The following PAN3 variants were observed in gnomAD, a reference collection of about 807,000 sequenced individuals.
PAN3 encodes PAN2-PAN3 deadenylation complex subunit PAN3.
PAN3 carries 19 observed loss-of-function variants against 96.2 expected under a neutral mutation model. That is an observed-to-expected ratio of 0.20 (90% CI 0.14 to 0.29). The LOEUF (loss-of-function observed/expected upper bound fraction) is 0.29, where lower values mean the gene tolerates loss of function less well. Among genes scored for constraint, PAN3 ranks in the 10% least tolerant of loss-of-function variants. The pLI, the probability that PAN3 is intolerant of heterozygous loss-of-function variation, is 1.00. For missense variants in PAN3, 882 were observed against 1,108.1 expected, an observed-to-expected ratio of 0.80 and a Z score of 2.90; for synonymous variants, 433 against 406.6, an observed-to-expected ratio of 1.06 and a Z score of -0.78.
Position 28,163,715 on chromosome 13 carries a change from A to G in PAN3, c.431-10557A>G, listed in dbSNP as rs117382929. 2.6e-3 allele frequency among the ~76,000 whole-genome samples: 390 copies of G among 152,314 alleles called. 5 individuals carry two copies. The highest frequency in any genetic ancestry group is 0.024 in the East Asian group (126 of 5,190). On this transcript the variant is annotated intron_variant, in intron 1 of 18. Transcript: ENST00000380958. ...TGGTAAAGTGTGGGAGATTTTAAGCATATAATGAGTATATCATTGTAACTG... is the reference window on the plus strand; with the variant it reads ...TGGTAAAGTGTGGGAGATTTTAAGCGTATAATGAGTATATCATTGTAACTG...
At chr13:28,228,971 A>T (rs1023519798) in intron 6 of PAN3, among the ~76,000 whole-genome samples, 1 of 152,320 alleles carries the variant, frequency 6.6e-6, no homozygotes, top group East Asian at 1.9e-4. Context: ...TGCTCTTCAC[A>T]TAGCTTATAA....
chr13:28,224,092 C>T (rs1429989495), intron 6 of PAN3, among the ~76,000 whole-genome samples: 2 of 151,756 alleles, frequency 1.3e-5, no homozygotes, highest in African/African-American at 2.4e-5. Context: ...AGGATGGTCT[C>T]GATCTCCTGA....
At chr13:28,291,665 A>G (rs1392034140) in intron 18 of PAN3, among the ~76,000 whole-genome samples, 2 of 152,144 alleles carry the variant, frequency 1.3e-5, no homozygotes, top group African/African-American at 2.4e-5. Flanking sequence ...CCCCGTCTCT[A>G]CTTAAAATAC....
chr13:28,225,321 T>C (rs1024481458), intron 6 of PAN3, among the ~76,000 whole-genome samples: 8 of 152,240 alleles, frequency 5.3e-5, no homozygotes, highest in Non-Finnish European at 7.3e-5. Flanking sequence ...TTTACTCTTA[T>C]AATGTTGAAG....
At chr13:28,275,972 G>A (rs548116566) in intron 14 of PAN3, among the ~76,000 whole-genome samples, 1 of 151,098 alleles carries the variant, frequency 6.6e-6, no homozygotes, top group Admixed American at 6.6e-5. Context: ...GGAGTTTAAC[G>A]TCTTTTTACT....
intron 4 of PAN3, among the ~76,000 whole-genome samples, chr13:28,192,048 C>CTT (rs58195419): frequency 7.3e-5 from 9 of 123,180 alleles, no homozygotes; most frequent in African/African-American, 9.4e-5. Context: ...TAAAACAATA[C>CTT]TTTTTTTTTT....
chr13:28,168,258 G>T (rs1873843595), intron 1 of PAN3, among the ~76,000 whole-genome samples: 1 of 152,128 alleles, frequency 6.6e-6, no homozygotes, highest in Non-Finnish European at 1.5e-5. Flanking sequence ...ATACCTACTC[G>T]CTGAGCATCC....
intron 14 of PAN3, among the ~76,000 whole-genome samples, chr13:28,274,150 G>A (rs965259490): frequency 6.6e-5 from 10 of 152,054 alleles, no homozygotes; most frequent in Non-Finnish European, 1.5e-4. Context: ...GGCAACACAG[G>A]GAGGAATATG....
rs1201411163 is a variant in PAN3, at chr13:28,256,353, T to C, written c.1062T>C (p.Ser354=). The part of the protein sequence containing the change: ...LHSPKITPHT[S]PAPRRRSHTP... ...CCCCCAAGATTACTCCACATACTTC[T>C]CCTGCTCCCAGAAGAAGAAGTCACA... is the stretch of plus-strand genomic sequence containing the variant. The change falls in exon 7 of 19, where the codon TCT becomes TCC. Residue 354 remains serine (S), a synonymous_variant. Coordinates refer to ENST00000380958, the MANE Select transcript of PAN3 (RefSeq NM_175854.8). 2.5e-6 allele frequency: 4 copies of C among 1,613,854 alleles called. No homozygotes were observed. In the Admixed American group the frequency reaches 6.7e-5, roughly 27 times the overall value.
chr13:28,214,370 G>A (rs1057147221), intron 5 of PAN3: 9 of 155,068 alleles, frequency 5.8e-5, no homozygotes, highest in South Asian at 4.0e-4. Context: ...TGATAATGTC[G>A]AATACTAATA....
intron 6 of PAN3, among the ~76,000 whole-genome samples, chr13:28,245,112 G>A (rs946185005): frequency 9.2e-5 from 14 of 152,206 alleles, no homozygotes; most frequent in African/African-American, 2.4e-4. Context: ...CTCCCAAAGC[G>A]CCGGGATTAT....
At chr13:28,173,666 T>C (rs1874589168) in intron 1 of PAN3, among the ~76,000 whole-genome samples, 2 of 152,176 alleles carry the variant, frequency 1.3e-5, no homozygotes, top group Admixed American at 6.5e-5. Context: ...GATTAGAAAA[T>C]AGCTGTATGC....
rs544343718 is a variant in PAN3, at chr13:28,231,238, TTAAA to T, written c.1000+10862_1000+10865del. Reference sequence around the variant, plus strand: ...ACAATCAATAGTCTAATGATATTTGTTAAATTAATTAATGACAGTTCATCTAGAA... The same window carrying T: ...ACAATCAATAGTCTAATGATATTTGTTTAATTAATGACAGTTCATCTAGAA... On this transcript the variant is annotated intron_variant, in intron 6 of 18. Coordinates refer to ENST00000380958, the MANE Select transcript of PAN3 (RefSeq NM_175854.8). Among the ~76,000 whole-genome samples the T allele has an allele frequency of 4.9e-4, 75 of 152,320 alleles. 1 individual carries two copies. The highest frequency in any genetic ancestry group is 3.4e-3 in the Middle Eastern group (1 of 294).
At chr13:28,194,396 A>G (rs1877711627) in intron 4 of PAN3, among the ~76,000 whole-genome samples, 2 of 149,204 alleles carry the variant, frequency 1.3e-5, no homozygotes, top group African/African-American at 2.5e-5. Flanking sequence ...AAATTTACAT[A>G]TATGTGTGTG....
chr13:28,214,241 G>T (rs747261511), intron 5 of PAN3, among the ~76,000 whole-genome samples: 4 of 152,136 alleles, frequency 2.6e-5, no homozygotes, highest in African/African-American at 9.7e-5. Flanking sequence ...CAAATGAAAC[G>T]TGTATTTGTG....
intron 5 of PAN3, 146 bp downstream of exon 5, chr13:28,197,492 A>T: frequency 1.5e-6 from 1 of 659,640 alleles, no homozygotes; most frequent in Non-Finnish European, 2.4e-6. Flanking sequence ...GAATAAAGTT[A>T]GTGACCCTTA....
chr13:28,180,676 T>G (rs1359248807), intron 4 of PAN3, among the ~76,000 whole-genome samples: 1 of 152,210 alleles, frequency 6.6e-6, no homozygotes, highest in Non-Finnish European at 1.5e-5. Flanking sequence ...TGCTTACCAC[T>G]ATTTCATAGC....
intron 2 of PAN3, among the ~76,000 whole-genome samples, chr13:28,174,607 C>T (rs546479885): frequency 3.9e-5 from 6 of 152,058 alleles, no homozygotes; most frequent in South Asian, 2.1e-4. Context: ...GCAAGAGTGA[C>T]GGGAGTATGT....
At chr13:28,209,863 C>CT in intron 5 of PAN3, among the ~76,000 whole-genome samples, 1 of 152,186 alleles carries the variant, frequency 6.6e-6, no homozygotes, top group East Asian at 1.9e-4. Flanking sequence ...TCACTGTAGC[C>CT]TTGATCTTCT....
Sources: allele counts gnomAD v4.1 joint callset (sites outside exome capture counted in the v4.1 genomes callset), GRCh38; gene constraint gnomAD v4.1.1; transcripts MANE v1.5; gene names NCBI Gene and HGNC (gene_info 2026-07-23, HGNC 2026-07-21).